The following CLVS1 variants were observed in gnomAD, a reference collection of about 807,000 sequenced individuals.
CLVS1 encodes clavesin-1.
In CLVS1, 10 loss-of-function variants were observed where a neutral mutation model predicts 33.1. The observed-to-expected ratio is 0.30, with a 90% confidence interval of 0.19 to 0.51. The LOEUF is 0.51. Ranked by LOEUF, CLVS1 falls within the 20% of genes least tolerant of loss-of-function variation. CLVS1 has a pLI of 0.97. For missense variants in CLVS1, 343 were observed against 433.4 expected (o/e 0.79, Z 1.85); for synonymous variants, 163 against 166.1 (o/e 0.98, Z 0.14).
chr8:61,389,733 T>C (rs1216999728), intron 3 of CLVS1, among the ~76,000 whole-genome samples: 2 of 151,800 alleles, frequency 1.3e-5, no homozygotes, highest in African/African-American at 4.8e-5. Context: ...TCTGGAAGAG[T>C]CTCAGTCATA....
intron 2 of CLVS1, among the ~76,000 whole-genome samples, chr8:61,156,770 A>T (rs1806659748): frequency 6.6e-6 from 1 of 152,244 alleles, no homozygotes; most frequent in East Asian, 1.9e-4. Flanking sequence ...ATCACTGTAG[A>T]GTTTATGAAG....
chr8:61,306,068 T>C (rs1810615335), intron 2 of CLVS1, among the ~76,000 whole-genome samples: 1 of 152,222 alleles, frequency 6.6e-6, no homozygotes, highest in Admixed American at 6.5e-5. Context: ...ATAGGATTAC[T>C]GGGTCAAGTG....
the CLVS1 span, among the ~76,000 whole-genome samples, chr8:61,038,999 A>G: frequency 0.11 from 16,865 of 152,216 alleles, 1,068 homozygotes; most frequent in East Asian, 0.27. Context: ...AAATATTTAT[A>G]TTAGTCTCAG....
chr8:61,373,403 C>T (rs1813517645), intron 2 of CLVS1, among the ~76,000 whole-genome samples: 1 of 152,164 alleles, frequency 6.6e-6, no homozygotes, highest in Non-Finnish European at 1.5e-5. Flanking sequence ...ATCCCAGGAA[C>T]ATAACATTTC....
At chr8:61,092,966 C>T (rs1805277789) in intron 1 of CLVS1, among the ~76,000 whole-genome samples, 1 of 152,192 alleles carries the variant, frequency 6.6e-6, no homozygotes, top group Non-Finnish European at 1.5e-5. Context: ...GGACGAGACA[C>T]ATCCCAGACA....
intron 2 of CLVS1, among the ~76,000 whole-genome samples, chr8:61,347,889 C>T (rs1477338353): frequency 1.3e-5 from 2 of 151,540 alleles, no homozygotes; most frequent in Non-Finnish European, 2.9e-5. Context: ...TACATTCCCA[C>T]CAGCAATGTA....
At chr8:61,453,356 A>T (rs1321545157) in intron 3 of CLVS1, among the ~76,000 whole-genome samples, 1 of 152,024 alleles carries the variant, frequency 6.6e-6, no homozygotes, top group East Asian at 1.9e-4. Flanking sequence ...CTAAAACATA[A>T]GCTGATCTGG....
intron 3 of CLVS1, among the ~76,000 whole-genome samples, chr8:61,439,891 C>T (rs1354282065): frequency 1.3e-5 from 2 of 152,170 alleles, no homozygotes. Context: ...CTTAAAGACG[C>T]TCAAACATAG....
rs943444293 is a variant in CLVS1 at position 61,181,409 on chromosome 8, A to T, written c.-152+49549A>T. ...ATCATGAAAATGGCCATATTGTCCA[A>T]AGTAATTTATCAATTCAATGCTATT... On this transcript the variant is annotated intron_variant, in intron 2 of 2. Coordinates refer to the CLVS1 transcript ENST00000522621. Among the ~76,000 whole-genome samples, 3 of 152,242 alleles carry T rather than the reference A, an allele frequency of 2.0e-5. No individual in the cohort carries two copies. The South Asian group carries it at 6.2e-4, about 32-fold the overall frequency.
intron 2 of CLVS1, among the ~76,000 whole-genome samples, chr8:61,352,062 CAT>C (rs1812493525): frequency 6.6e-6 from 1 of 151,942 alleles, no homozygotes; most frequent in Non-Finnish European, 1.5e-5. Context: ...TTTTATAAAT[CAT>C]ATTTGATGAT....
At position 61,240,894 on chromosome 8, in the gene CLVS1, G is replaced by GTTTTT. The variant is rs549955338; in HGVS notation, c.-151-58770_-151-58766dup. 6.3e-3 allele frequency among the ~76,000 whole-genome samples: 819 copies of GTTTTT among 130,584 alleles called. 23 individuals are homozygous for GTTTTT. Among genetic ancestry groups the GTTTTT allele is most frequent in the African/African-American group, 0.024 (765 of 31,502 alleles). 85.7% of individuals were successfully genotyped at this position (130,584 alleles called of 152,430 possible). On this transcript the variant is annotated intron_variant, in intron 2 of 2. Transcript: ENST00000522621. ...CTAAAATGAATGATGTTTGCTGTAG[G>GTTTTT]TTTTTTTTTTTTTTTTTAAAATAGA... is the stretch of plus-strand genomic sequence containing the variant.
At chr8:61,145,453 A>G (rs865868428) in intron 2 of CLVS1, among the ~76,000 whole-genome samples, 17 of 152,344 alleles carry the variant, frequency 1.1e-4, no homozygotes, top group Middle Eastern at 3.4e-3. Context: ...TGGTAGGTAC[A>G]AAGACCCGTT....
chr8:61,100,258 C>A (rs1348983724), intron 1 of CLVS1, among the ~76,000 whole-genome samples: 1 of 152,132 alleles, frequency 6.6e-6, no homozygotes, highest in Non-Finnish European at 1.5e-5. Flanking sequence ...ACATTCAATG[C>A]ATTATGAGGC....
chr8:61,245,052 C>CTTTT (rs1808778100), intron 2 of CLVS1, among the ~76,000 whole-genome samples: 1 of 152,010 alleles, frequency 6.6e-6, no homozygotes, highest in Admixed American at 6.6e-5. Flanking sequence ...ATATGAAATG[C>CTTTT]CACTTTTTAC....
chr8:61,270,326 G>A (rs1470831232), intron 2 of CLVS1, among the ~76,000 whole-genome samples: 2 of 152,146 alleles, frequency 1.3e-5, no homozygotes, highest in Non-Finnish European at 2.9e-5. Flanking sequence ...TTATTGATTT[G>A]CGTATATTGA....
At chr8:61,341,392 C>G (rs1353595765) in intron 2 of CLVS1, among the ~76,000 whole-genome samples, 1 of 152,216 alleles carries the variant, frequency 6.6e-6, no homozygotes, top group African/African-American at 2.4e-5. Context: ...CCTCTGCGGT[C>G]CATTTTCCAC....
chr8:61,360,896 T>A (rs767058825), intron 2 of CLVS1, among the ~76,000 whole-genome samples: 10 of 152,162 alleles, frequency 6.6e-5, no homozygotes, highest in Admixed American at 1.3e-4. Flanking sequence ...TGAGACTAGA[T>A]AATTTATTTA....
At chr8:61,299,056 T>C (rs571593228) in intron 1 of CLVS1, among the ~76,000 whole-genome samples, 5 of 152,276 alleles carry the variant, frequency 3.3e-5, no homozygotes, top group Non-Finnish European at 5.9e-5. Flanking sequence ...ATTTGATTAT[T>C]GGAGGTCAAG....
chr8:61,094,309 G>A (rs1161044799), intron 1 of CLVS1, among the ~76,000 whole-genome samples: 1 of 152,080 alleles, frequency 6.6e-6, no homozygotes, highest in Non-Finnish European at 1.5e-5. Flanking sequence ...AAGGACTCGG[G>A]GCACTGACGC....
Sources: allele counts gnomAD v4.1 joint callset (sites outside exome capture counted in the v4.1 genomes callset), GRCh38; gene constraint gnomAD v4.1.1; transcripts MANE v1.5; gene names NCBI Gene and HGNC (gene_info 2026-07-23, HGNC 2026-07-21).